The following TOLLIP variants were observed in gnomAD, a reference collection of about 807,000 sequenced individuals.
The protein encoded by TOLLIP is toll interacting protein.
In TOLLIP, 16 loss-of-function variants were observed where a neutral mutation model predicts 33.5. That is an observed-to-expected ratio of 0.48 (90% CI 0.32 to 0.72). The LOEUF (loss-of-function observed/expected upper bound fraction) is 0.72. Ranked by LOEUF, TOLLIP falls within the 30% of genes least tolerant of loss-of-function variation. The probability of loss-of-function intolerance (pLI) is 0.03; values close to 1 mark genes in which losing one functional copy is unlikely to be tolerated. For missense variants in TOLLIP, 325 were observed against 396.6 expected (o/e 0.82, Z 1.53); for synonymous variants, 176 against 163.7 (o/e 1.07, Z -0.57).
At chr11:1,304,807 T>A (rs1214072395) in intron 1 of TOLLIP, among the ~76,000 whole-genome samples, 1 of 151,864 alleles carries the variant, frequency 6.6e-6, no homozygotes, top group Non-Finnish European at 1.5e-5. Flanking sequence ...AGAAAAAAAA[T>A]AAGAAAATGT....
chr11:1,296,207 G>A (rs1173215222), intron 1 of TOLLIP, among the ~76,000 whole-genome samples: 1 of 152,238 alleles, frequency 6.6e-6, no homozygotes, highest in Non-Finnish European at 1.5e-5. Context: ...GACAAAAGCT[G>A]AGCCTCAGGT....
intron 5 of TOLLIP, among the ~76,000 whole-genome samples, chr11:1,281,591 G>A (rs1007053245): frequency 3.3e-5 from 5 of 152,214 alleles, no homozygotes; most frequent in African/African-American, 7.2e-5. Flanking sequence ...ATGAACGAGC[G>A]GCTGAAGGGG....
intron 2 of TOLLIP, among the ~76,000 whole-genome samples, chr11:1,293,042 G>A (rs1179580261): frequency 6.6e-6 from 1 of 152,184 alleles, no homozygotes; most frequent in Non-Finnish European, 1.5e-5. Context: ...GGCTGAGCGG[G>A]GGCAGTGGGT....
intron 5 of TOLLIP, among the ~76,000 whole-genome samples, chr11:1,280,033 C>T (rs948155930): frequency 6.6e-6 from 1 of 152,204 alleles, no homozygotes; most frequent in African/African-American, 2.4e-5. Context: ...AGAAGAAAAC[C>T]TACGTGATTC....
chr11:1,297,374 G>T (rs1196078647), intron 1 of TOLLIP, among the ~76,000 whole-genome samples: 1 of 152,120 alleles, frequency 6.6e-6, no homozygotes, highest in African/African-American at 2.4e-5. Flanking sequence ...AAGGCCTGGA[G>T]CGCACAAGCC....
chr11:1,300,372 T>G (rs957833572), intron 1 of TOLLIP, among the ~76,000 whole-genome samples: 1 of 152,206 alleles, frequency 6.6e-6, no homozygotes, highest in Non-Finnish European at 1.5e-5. Context: ...CAGCGTACCT[T>G]TCCACACGAA....
rs567401262 is a variant in TOLLIP, at chr11:1,290,191, G to A, written c.366+36C>T. 48 of 1,597,996 alleles carry A rather than the reference G, an allele frequency of 3.0e-5. 1 individual carries two copies. The highest frequency in any genetic ancestry group is 8.4e-5 in the Admixed American group (5 of 59,612). ...CCCCACGGCAGCCACGCTCAGCCAC[G>A]TGCAGCCTCCATAATAGCTGGCACG... is the stretch of plus-strand genomic sequence containing the variant. On this transcript the variant is annotated intron_variant, in intron 3 of 5. Coordinates refer to ENST00000317204, the MANE Select transcript of TOLLIP (RefSeq NM_019009.4). This position sits in a 1 kb window ranked among gnomAD's most constrained non-coding sequence, Gnocchi z 4.9.
At chr11:1,304,984 C>T (rs5743886) in intron 1 of TOLLIP, among the ~76,000 whole-genome samples, 3,452 of 152,196 alleles carry the variant, frequency 0.023, 56 homozygotes, top group Non-Finnish European at 0.033. Context: ...CGATGGTGCA[C>T]GTGTCTTAAA....
chr11:1,303,579 G>A lies in TOLLIP; in HGVS notation c.33+5887C>T, dbSNP rs918881776. Reference sequence around the variant, plus strand: ...GGGCAAGGCCGGGTGGCAGGGGCACGCTGCACTTCCCACAGGGCAGCAAGG... The same window carrying A: ...GGGCAAGGCCGGGTGGCAGGGGCACACTGCACTTCCCACAGGGCAGCAAGG... On this transcript the variant is annotated intron_variant, in intron 1 of 5. Coordinates refer to ENST00000317204, the MANE Select transcript of TOLLIP (RefSeq NM_019009.4). This position sits in a 1 kb window ranked among gnomAD's most constrained non-coding sequence, Gnocchi z 4.2. Among the ~76,000 whole-genome samples, 12 of 152,202 alleles carry A rather than the reference G, an allele frequency of 7.9e-5. No homozygotes were observed. The highest frequency in any genetic ancestry group is 4.6e-4 in the Admixed American group (7 of 15,292).
At chr11:1,309,409 G>T (rs2133940219) in intron 1 of TOLLIP, 57 bp downstream of exon 1, 2 of 1,090,180 alleles carry the variant, frequency 1.8e-6, no homozygotes, top group East Asian at 3.5e-5. Flanking sequence ...CTGACCCAAG[G>T]CCCCGCCCGC....
In TOLLIP at chr11:1,290,359, T is replaced by A. The variant is rs1863894542; in HGVS notation, c.234A>T (p.Arg78=). ...YGMTRMDPYC[R]LRLGYAVYET... The stretch of plus-strand genomic sequence containing the variant: ...CGTACACCGCGTAGCCCAGGCGCAG[T>A]CGGCAGTAGGGGTCCATGCGGGTCA... Residue 78 remains arginine (R), a synonymous_variant, in exon 3 of 6, where the codon CGA becomes CGT. Transcript: ENST00000317204. This position sits in a 1 kb window ranked among gnomAD's most constrained non-coding sequence, Gnocchi z 4.9. 1.9e-6 allele frequency: 3 copies of A among 1,613,496 alleles called. No individual in the cohort carries two copies. The South Asian group carries it at 3.3e-5, about 18-fold the overall frequency.
intron 1 of TOLLIP, among the ~76,000 whole-genome samples, chr11:1,304,692 A>T (rs576511076): frequency 2.6e-5 from 4 of 152,334 alleles, no homozygotes; most frequent in African/African-American, 9.6e-5. Context: ...GCATGTTACC[A>T]TTTCCAGGGG....
At chr11:1,308,852 G>GGC (rs1239383137) in intron 1 of TOLLIP, among the ~76,000 whole-genome samples, 1 of 151,402 alleles carries the variant, frequency 6.6e-6, no homozygotes, top group Non-Finnish European at 1.5e-5. Flanking sequence ...CACCTGGGGG[G>GGC]CCATCAGGGT....
intron 1 of TOLLIP, among the ~76,000 whole-genome samples, chr11:1,299,917 G>C (rs991117551): frequency 6.6e-6 from 1 of 152,220 alleles, no homozygotes; most frequent in Non-Finnish European, 1.5e-5. Context: ...ATGGAGACTC[G>C]GGGGACGGAG....
At chr11:1,293,458 C>T (rs181568209) in intron 2 of TOLLIP, among the ~76,000 whole-genome samples, 1 of 151,648 alleles carries the variant, frequency 6.6e-6, no homozygotes, top group Non-Finnish European at 1.5e-5. Flanking sequence ...CCCACTGGGG[C>T]CCCAGGAGAC....
rs532166088 is a variant in TOLLIP, at chr11:1,300,256, G to A, written c.34-4462C>T. ...TTAAAATGTAACTTCAAATTTCTTG[G>A]AATTGCTGATTCTCCTCCCCCATGT... is the stretch of plus-strand genomic sequence containing the variant. On this transcript the variant is annotated intron_variant, in intron 1 of 5. Coordinates refer to ENST00000317204, the MANE Select transcript of TOLLIP (RefSeq NM_019009.4). Among the ~76,000 whole-genome samples, 8 of 152,154 alleles carry A rather than the reference G, an allele frequency of 5.3e-5. No individual in the cohort carries two copies. The East Asian group carries it at 1.5e-3, about 29-fold the overall frequency.
chr11:1,298,924 C>G (rs1864188247), intron 1 of TOLLIP, among the ~76,000 whole-genome samples: 1 of 152,252 alleles, frequency 6.6e-6, no homozygotes, highest in African/African-American at 2.4e-5. Context: ...CAAGGAAAGC[C>G]TGAGAGACGG....
chr11:1,309,285 G>A (rs944519787), intron 1 of TOLLIP, among the ~76,000 whole-genome samples, 181 bp downstream of exon 1: 2 of 151,956 alleles, frequency 1.3e-5, no homozygotes, highest in South Asian at 2.1e-4. Flanking sequence ...GCGTCCGTCC[G>A]GCCCGCCCCG....
intron 2 of TOLLIP, chr11:1,291,158 T>C (rs1863923465): frequency 1.3e-5 from 2 of 152,266 alleles, no homozygotes; most frequent in Admixed American, 6.5e-5. Flanking sequence ...TCAACATGGA[T>C]GGCAGGTTCA....
Sources: gnomAD v4.1 joint callset for allele counts (sites outside exome capture counted in the v4.1 genomes callset) on GRCh38, gnomAD v4.1.1 for gene constraint, Gnocchi (gnomAD v3.1) non-coding constraint, MANE v1.5 for transcripts, NCBI Gene and HGNC (gene_info 2026-07-23, HGNC 2026-07-21) for gene names.